The following DLGAP2 variants were observed in gnomAD, a reference collection of about 807,000 sequenced individuals.
DLGAP2 encodes the protein DLG associated protein 2.
A neutral mutation model predicts 100.3 loss-of-function variants in DLGAP2; 26 were observed. The observed-to-expected ratio is 0.26, with a 90% CI of 0.19 to 0.36. The LOEUF (loss-of-function observed/expected upper bound fraction) is 0.36, where lower values mean the gene tolerates loss of function less well. Ranked by LOEUF, DLGAP2 falls within the 10% of genes least tolerant of loss-of-function variation. The pLI is 1.00. For synonymous variants in DLGAP2, 886 were observed against 630.1 expected (o/e 1.41, Z -6.08); for missense variants, 1,858 against 1,453.2 (o/e 1.28, Z -4.53).
At chr8:1,226,368 GA>G (rs1798415996) in intron 2 of DLGAP2, among the ~76,000 whole-genome samples, 1 of 152,092 alleles carries the variant, frequency 6.6e-6, no homozygotes. Flanking sequence ...ACTAACACAG[GA>G]AAAGAAAACA....
At chr8:1,267,613 T>TAAA (rs879495675) in intron 3 of DLGAP2, among the ~76,000 whole-genome samples, 11,200 of 92,452 alleles carry the variant, frequency 0.12, 1,965 homozygotes, top group East Asian at 0.22. Flanking sequence ...TAAGATAAGA[T>TAAA]AAGATAAGAT....
At chr8:985,304 C>A (rs1800454468) in intron 2 of DLGAP2, among the ~76,000 whole-genome samples, 1 of 152,232 alleles carries the variant, frequency 6.6e-6, no homozygotes, top group Non-Finnish European at 1.5e-5. Flanking sequence ...AGAATGCTCA[C>A]TGTTGGCATG....
intron 6 of DLGAP2, among the ~76,000 whole-genome samples, chr8:1,593,479 AAAATAAAT>A (rs894731554): frequency 6.6e-6 from 1 of 151,838 alleles, no homozygotes; most frequent in African/African-American, 2.4e-5. Context: ...TAATAAAATA[AAAATAAAT>A]AAATAAATAA....
chr8:874,910 AT>A (rs1418953900), intron 1 of DLGAP2, among the ~76,000 whole-genome samples: 1 of 152,174 alleles, frequency 6.6e-6, no homozygotes, highest in Non-Finnish European at 1.5e-5. Flanking sequence ...GTGTGTGTAT[AT>A]ATGTATGTCT....
At chr8:1,287,689 G>C (rs1554434858) in intron 3 of DLGAP2, among the ~76,000 whole-genome samples, 1 of 114,090 alleles carries the variant, frequency 8.8e-6, no homozygotes, top group African/African-American at 3.6e-5. Context: ...AACTAGTTTC[G>C]GTTCAGTGTG....
intron 6 of DLGAP2, among the ~76,000 whole-genome samples, chr8:1,623,105 G>C (rs1263391693): frequency 1.3e-5 from 2 of 152,242 alleles, no homozygotes; most frequent in African/African-American, 4.8e-5. Flanking sequence ...AAATGAGGCT[G>C]AGGTTTTATT....
intron 2 of DLGAP2, among the ~76,000 whole-genome samples, chr8:912,329 C>T (rs1245490458): frequency 6.6e-6 from 1 of 152,182 alleles, no homozygotes; most frequent in Non-Finnish European, 1.5e-5. Flanking sequence ...GGAAAGGTTT[C>T]ACGTGACTTC....
At chr8:1,663,192 ATGAC>A (rs1260066363) in intron 8 of DLGAP2, among the ~76,000 whole-genome samples, 1 of 132,284 alleles carries the variant, frequency 7.6e-6, no homozygotes, top group Non-Finnish European at 1.6e-5. Flanking sequence ...AGTGTGGGGT[ATGAC>A]TGTGTGTGTG....
At chr8:1,564,118 A>C (rs1043362652) in intron 5 of DLGAP2, among the ~76,000 whole-genome samples, 2 of 152,192 alleles carry the variant, frequency 1.3e-5, no homozygotes, top group African/African-American at 4.8e-5. Context: ...CTCTACACTC[A>C]GCGACTGCAT....
chr8:1,161,484 G>C (rs1796888493), intron 2 of DLGAP2, among the ~76,000 whole-genome samples: 1 of 152,216 alleles, frequency 6.6e-6, no homozygotes, highest in Non-Finnish European at 1.5e-5. Flanking sequence ...AAGAGTGAGG[G>C]ACAAATTCTG....
At chr8:1,608,766 G>T (rs1030554158) in intron 6 of DLGAP2, among the ~76,000 whole-genome samples, 14 of 149,512 alleles carry the variant, frequency 9.4e-5, no homozygotes, top group Middle Eastern at 6.9e-3. Context: ...GAGCCGATGC[G>T]ATCAACTGGA....
intron 2 of DLGAP2, among the ~76,000 whole-genome samples, chr8:1,037,521 G>A (rs1205954976): frequency 2.0e-5 from 3 of 152,050 alleles, no homozygotes; most frequent in East Asian, 1.9e-4. Flanking sequence ...GACGGAGCAC[G>A]TGGACGTGTC....
chr8:1,240,022 C>A, intron 2 of DLGAP2, among the ~76,000 whole-genome samples: 1 of 150,856 alleles, frequency 6.6e-6, no homozygotes, highest in East Asian at 2.0e-4. Flanking sequence ...CTAGTTCTCT[C>A]ACATGGCGCC....
In DLGAP2 at chr8:1,632,461, G is replaced by A. The variant is rs552004672; in HGVS notation, c.1591-366G>A. Among the ~76,000 whole-genome samples, 7 of 152,264 alleles carry A rather than the reference G, an allele frequency of 4.6e-5. No individual in the cohort carries two copies. In the South Asian group the frequency reaches 1.5e-3, roughly 32 times the overall value. On this transcript the variant is annotated intron_variant, in intron 7 of 14. Coordinates refer to ENST00000637795, the MANE Select transcript of DLGAP2 (RefSeq NM_001346810.2). ...GCTTGGAAAGGGGGGGCCGTCATGT[G>A]GGAAAGGGAAGGAAGAAATGGATTC...
chr8:921,961 G>A (rs1189450563), intron 2 of DLGAP2, among the ~76,000 whole-genome samples: 2 of 152,248 alleles, frequency 1.3e-5, no homozygotes, highest in African/African-American at 4.8e-5. Flanking sequence ...ATGGGTGGGA[G>A]CCGGCTGCAG....
In DLGAP2 at chr8:1,283,821, A is replaced by C. The variant is rs148664064; in HGVS notation, c.106+24938A>C. On this transcript the variant is annotated intron_variant, in intron 3 of 14. Transcript: ENST00000637795. ...TTTTATTTATAAAAGCAACTTAAGC[A>C]CTACCACACTTAAAGTATGAGAGTA... Among the ~76,000 whole-genome samples the C allele has an allele frequency of 4.5e-3, 687 of 152,370 alleles. 8 individuals carry two copies. Among genetic ancestry groups the C allele is most frequent in the African/African-American group, 0.015 (644 of 41,596 alleles).
intron 3 of DLGAP2, among the ~76,000 whole-genome samples, chr8:1,334,797 A>C (rs1481369783): frequency 1.3e-5 from 2 of 152,114 alleles, no homozygotes; most frequent in Non-Finnish European, 2.9e-5. Context: ...TACATGATAC[A>C]TGTGTTGACA....
chr8:1,210,108 G>A (rs1175391869), intron 2 of DLGAP2, among the ~76,000 whole-genome samples: 2 of 152,154 alleles, frequency 1.3e-5, no homozygotes, highest in Non-Finnish European at 2.9e-5. Flanking sequence ...GGTGGGTGCT[G>A]GGCCTTGATT....
chr8:1,546,209 C>T (rs1313194627), intron 4 of DLGAP2, among the ~76,000 whole-genome samples: 6 of 152,192 alleles, frequency 3.9e-5, no homozygotes, highest in Non-Finnish European at 4.4e-5. Flanking sequence ...AGCGTAGGCA[C>T]CTGAAATATA....
Sources: allele counts gnomAD v4.1 joint callset (sites outside exome capture counted in the v4.1 genomes callset), GRCh38; gene constraint gnomAD v4.1.1; transcripts MANE v1.5; gene names NCBI Gene and HGNC (gene_info 2026-07-23, HGNC 2026-07-21).